Variants in ANKRD6 observed in about 807,000 individuals in gnomAD.
ANKRD6 encodes ankyrin repeat domain 6.
Under a neutral mutation model 82.3 loss-of-function variants are expected in ANKRD6, and 56 were observed. The ratio of observed to expected loss-of-function variants is 0.68; its 90% CI spans 0.55 to 0.85. The LOEUF is 0.85. ANKRD6 is among the 40% of genes least tolerant of loss of function. The probability of loss-of-function intolerance (pLI) is 0.00; values close to 1 mark genes in which losing one functional copy is unlikely to be tolerated. For missense variants in ANKRD6, 852 were observed against 907.6 expected, an observed-to-expected ratio of 0.94 and a Z score of 0.79; for synonymous variants, 347 against 352.1, an observed-to-expected ratio of 0.99 and a Z score of 0.16.
intron 1 of ANKRD6, among the ~76,000 whole-genome samples, chr6:89,565,010 T>C (rs936612281): frequency 1.3e-5 from 2 of 152,164 alleles, no homozygotes; most frequent in African/African-American, 4.8e-5. Context: ...AAGCACAGAT[T>C]ACCTGAATGA....
At chr6:89,516,339 A>G (rs1781208500) in intron 1 of ANKRD6, among the ~76,000 whole-genome samples, 1 of 152,122 alleles carries the variant, frequency 6.6e-6, no homozygotes, top group Non-Finnish European at 1.5e-5. Context: ...CTGCCCTTCA[A>G]CTAAGACTTA....
At chr6:89,613,655 A>G (rs1203925436) in intron 6 of ANKRD6, 137 bp from the exon 7 acceptor site, 4 of 774,468 alleles carry the variant, frequency 5.2e-6, no homozygotes, top group African/African-American at 3.5e-5. Context: ...TGGAGCATCT[A>G]TGTTAAAAGA....
intron 1 of ANKRD6, among the ~76,000 whole-genome samples, chr6:89,461,931 T>C (rs1348196793): frequency 1.3e-5 from 2 of 152,148 alleles, no homozygotes; most frequent in Non-Finnish European, 2.9e-5. Flanking sequence ...TAACCAGTGC[T>C]AGTTTTAAAA....
At chr6:89,488,389 G>A (rs1777614413) in intron 1 of ANKRD6, among the ~76,000 whole-genome samples, 1 of 152,190 alleles carries the variant, frequency 6.6e-6, no homozygotes, top group South Asian at 2.1e-4. Flanking sequence ...GTTTGAGGCT[G>A]CAGTGGGCTG....
chr6:89,455,151 GTTTT>G (rs75865475), intron 1 of ANKRD6, among the ~76,000 whole-genome samples: 1 of 139,908 alleles, frequency 7.1e-6, no homozygotes. Context: ...GTGTGTGTGT[GTTTT>G]TTTTTTTTTT....
chr6:89,627,504 G>A (rs1806117801), intron 13 of ANKRD6, 79 bp from the exon 14 acceptor site: 8 of 1,340,304 alleles, frequency 6.0e-6, no homozygotes, highest in Non-Finnish European at 7.4e-6. Flanking sequence ...GGTTCCCCAA[G>A]CCCCTCTGCA....
In ANKRD6 at chr6:89,633,378, A is replaced by G. The variant is rs1156916583; in HGVS notation, c.*2374A>G. On this transcript the variant is annotated 3_prime_UTR_variant, in exon 16 of 16. Transcript: ENST00000339746. ...AAAAACTTAACTGCAGGTCCAGTGT[A>G]TATTTTTCCTTATTTTTCCCTTTTA... 1.3e-5 allele frequency: 2 copies of G among 152,218 alleles called. No homozygotes were observed. The highest frequency in any genetic ancestry group is 2.9e-5 in the Non-Finnish European group (2 of 68,036). The allele number at this position is 152,218 out of a possible 1,614,324, so 9.4% of individuals were successfully genotyped here. A position where few individuals can be genotyped will look rare whatever the true frequency, so the allele number is the denominator to read the frequency against.
chr6:89,496,309 T>C (rs1310902219), intron 1 of ANKRD6, among the ~76,000 whole-genome samples: 2 of 151,968 alleles, frequency 1.3e-5, no homozygotes, highest in African/African-American at 4.8e-5. Context: ...TGAGGTTCTG[T>C]TGGAATGATT....
chr6:89,446,637 C>T (rs1283345776), intron 1 of ANKRD6, among the ~76,000 whole-genome samples: 1 of 151,594 alleles, frequency 6.6e-6, no homozygotes. Context: ...AATCCCAGCA[C>T]GTTAGGAGGC....
Position 89,630,540 on chromosome 6 carries a change from C to T in ANKRD6, c.1720C>T (p.Leu574Phe), listed in dbSNP as rs759999713. ...KALNSTATQR[L>F]QQELSSSDCT... ...CCTCAACTCCACTGCTACCCAGAGACTCCAGCAGGAGCTGTCGTCTTCTGA... is the reference window on the plus strand; with the variant it reads ...CCTCAACTCCACTGCTACCCAGAGATTCCAGCAGGAGCTGTCGTCTTCTGA... The change falls in exon 16 of 16, where the codon CTC (leucine) becomes TTC (phenylalanine). Residue 574 changes from leucine to phenylalanine, a missense_variant. Leu to Phe is a conservative substitution (Grantham distance 22). Transcript: ENST00000339746. 5 of 1,614,028 alleles carry T rather than the reference C, an allele frequency of 3.1e-6. No homozygotes were observed. Among genetic ancestry groups the T allele is most frequent in the Non-Finnish European group, 4.2e-6 (5 of 1,179,868 alleles).
intron 1 of ANKRD6, among the ~76,000 whole-genome samples, chr6:89,547,173 G>A (rs980301090): frequency 2.2e-5 from 3 of 136,910 alleles, no homozygotes; most frequent in Non-Finnish European, 3.1e-5. Flanking sequence ...TGCTAAGAAC[G>A]GTAACTAGTT....
At chr6:89,599,341 C>G (rs1796583459) in intron 3 of ANKRD6, among the ~76,000 whole-genome samples, 1 of 152,204 alleles carries the variant, frequency 6.6e-6, no homozygotes, top group African/African-American at 2.4e-5. Context: ...CCACTGCACT[C>G]TAGCATAGGT....
In ANKRD6 at chr6:89,433,298, C is replaced by T. The variant is rs1770179421; in HGVS notation, c.-221C>T. The T allele has an allele frequency of 6.6e-6, 1 of 152,132 alleles. No homozygotes were observed. The highest frequency in any genetic ancestry group is 1.5e-5 in the Non-Finnish European group (1 of 68,058). The allele number at this position is 152,132 out of a possible 1,614,324, so 9.4% of individuals were successfully genotyped here. On this transcript the variant is annotated 5_prime_UTR_variant, in exon 1 of 16. Transcript: ENST00000339746. The surrounding 1 kb of genome is among the most constrained non-coding windows in gnomAD (Gnocchi z 4.3). The stretch of plus-strand genomic sequence containing the variant: ...CCGCCGGAGCCAGCGGGAGCCAGTC[C>T]CCGTCTTCGCCCCTCGCCCCCCACC...
In ANKRD6 at chr6:89,433,716, G is replaced by A. The variant is rs1417678840; in HGVS notation, c.-144+341G>A. On this transcript the variant is annotated intron_variant, in intron 1 of 15. Coordinates refer to ENST00000339746, the MANE Select transcript of ANKRD6 (RefSeq NM_001242809.2). This position sits in a 1 kb window ranked among gnomAD's most constrained non-coding sequence, Gnocchi z 4.3. The stretch of plus-strand genomic sequence containing the variant: ...TGCAGTTTGAAGGAAGGGCGGTGGG[G>A]GCGGGGGTCCGAGTACCCCGCGGTC... Among the ~76,000 whole-genome samples, 1 of 152,088 alleles carries A rather than the reference G, an allele frequency of 6.6e-6. No homozygotes were observed. The highest frequency in any genetic ancestry group is 1.5e-5 in the Non-Finnish European group (1 of 67,992).
intron 1 of ANKRD6, chr6:89,563,065 T>G (rs1366723216): frequency 6.6e-6 from 1 of 152,192 alleles, no homozygotes; most frequent in Non-Finnish European, 1.5e-5. Context: ...TTCTGGAATA[T>G]TTTGCTTGTC....
Position 89,476,176 on chromosome 6 carries a change from TTTTTG to T in ANKRD6, c.-144+42821_-144+42825del, listed in dbSNP as rs550867954. On this transcript the variant is annotated intron_variant, in intron 1 of 15. Coordinates refer to ENST00000339746, the MANE Select transcript of ANKRD6 (RefSeq NM_001242809.2). ...ATGTGTATGTTTTTGTGTTTTTGTT[TTTTTG>T]TTTTGTTTTGTTTTGTTTTTTTAAG... Among the ~76,000 whole-genome samples, 19 of 152,108 alleles carry T rather than the reference TTTTTG, an allele frequency of 1.2e-4. 1 individual carries two copies. Among genetic ancestry groups the T allele is most frequent in the Non-Finnish European group, 2.4e-4 (16 of 68,002 alleles).
chr6:89,439,201 C>T (rs941933573), intron 1 of ANKRD6, among the ~76,000 whole-genome samples: 10 of 152,090 alleles, frequency 6.6e-5, no homozygotes, highest in Admixed American at 6.6e-4. Flanking sequence ...GAGAATTGTA[C>T]ATTTGAGAAA....
chr6:89,453,020 A>C (rs1733121011), intron 1 of ANKRD6, among the ~76,000 whole-genome samples: 1 of 152,192 alleles, frequency 6.6e-6, no homozygotes, highest in Non-Finnish European at 1.5e-5. Context: ...TTAGCCTCAC[A>C]AATTTTCATA....
chr6:89,534,380 A>G (rs1318341906), intron 1 of ANKRD6, among the ~76,000 whole-genome samples: 1 of 152,214 alleles, frequency 6.6e-6, no homozygotes, highest in Non-Finnish European at 1.5e-5. Flanking sequence ...AAGAATAAAG[A>G]AAACCCATCT....
Sources: allele counts gnomAD v4.1 joint callset (sites outside exome capture counted in the v4.1 genomes callset), GRCh38; gene constraint gnomAD v4.1.1; non-coding constraint Gnocchi (gnomAD v3.1); transcripts MANE v1.5; gene names NCBI Gene and HGNC (gene_info 2026-07-23, HGNC 2026-07-21).